MAP4K3: variants seen among roughly 807,000 people sequenced by gnomAD.
The protein encoded by MAP4K3 is mitogen-activated protein kinase kinase kinase kinase 3.
In MAP4K3, 94 loss-of-function variants were observed where a neutral mutation model predicts 143.5. The observed-to-expected ratio is 0.65, with a 90% CI of 0.55 to 0.78. The LOEUF (loss-of-function observed/expected upper bound fraction) is 0.78, where lower values mean the gene tolerates loss of function less well. Ranked by LOEUF, MAP4K3 falls within the 30% of genes least tolerant of loss-of-function variation. The pLI is 0.00. For missense variants in MAP4K3, 1,077 were observed against 1,068.1 expected (o/e 1.01, Z -0.12); for synonymous variants, 416 against 347.2 (o/e 1.20, Z -2.20).
intron 1 of MAP4K3, among the ~76,000 whole-genome samples, chr2:39,433,983 G>A (rs538869948): frequency 2.6e-5 from 4 of 152,316 alleles, no homozygotes; most frequent in African/African-American, 9.6e-5. Context: ...AGGTCACATA[G>A]CTAATAAATC....
At chr2:39,341,852 T>C (rs1277080761) in intron 4 of MAP4K3, among the ~76,000 whole-genome samples, 1 of 152,138 alleles carries the variant, frequency 6.6e-6, no homozygotes, top group African/African-American at 2.4e-5. Context: ...CACTGAATCT[T>C]TGAAATCAAA....
rs1211800764 is a variant in MAP4K3, at chr2:39,410,732, T to C, written c.96+26160A>G. On this transcript the variant is annotated intron_variant, in intron 1 of 33. Coordinates refer to ENST00000263881, the MANE Select transcript of MAP4K3 (RefSeq NM_003618.4). ...TGAAGGATAACAACATTTCCAAGTT[T>C]TGAAAAGCTTTTCTAGCTCTTCAAA... is the stretch of plus-strand genomic sequence containing the variant. Among the ~76,000 whole-genome samples, 4 of 152,244 alleles carry C rather than the reference T, an allele frequency of 2.6e-5. No homozygotes were observed. In the East Asian group the frequency reaches 7.7e-4, roughly 29 times the overall value.
chr2:39,392,200 A>AAAAAAAAAAAAAAAG, intron 1 of MAP4K3, among the ~76,000 whole-genome samples: 1 of 151,436 alleles, frequency 6.6e-6, no homozygotes, highest in Non-Finnish European at 1.5e-5. Flanking sequence ...AAAAAAAAAA[A>AAAAAAAAAAAAAAAG]AAAAATTACA....
intron 15 of MAP4K3, among the ~76,000 whole-genome samples, chr2:39,300,686 T>G (rs1472924881): frequency 2.0e-5 from 3 of 152,220 alleles, no homozygotes. Context: ...TTACAAGATA[T>G]TCTCAGATTC....
intron 2 of MAP4K3, among the ~76,000 whole-genome samples, chr2:39,372,018 T>C (rs578013903): frequency 4.2e-4 from 64 of 151,774 alleles, no homozygotes; most frequent in Non-Finnish European, 6.6e-4. Flanking sequence ...TTGCAGATTA[T>C]ATGATCTTAT....
At chr2:39,298,994 T>C (rs187631719) in intron 16 of MAP4K3, among the ~76,000 whole-genome samples, 10 of 151,610 alleles carry the variant, frequency 6.6e-5, no homozygotes, top group Admixed American at 6.6e-4. Context: ...GAATTTTAAC[T>C]TGTTCTGACT....
chr2:39,436,137 A>G (rs536902489), intron 1 of MAP4K3, among the ~76,000 whole-genome samples: 1 of 152,224 alleles, frequency 6.6e-6, no homozygotes, highest in South Asian at 2.1e-4. Context: ...GGGAAGAGTG[A>G]TTTATCTTCC....
At chr2:39,421,020 C>A (rs1354335741) in intron 1 of MAP4K3, among the ~76,000 whole-genome samples, 1 of 152,158 alleles carries the variant, frequency 6.6e-6, no homozygotes, top group Non-Finnish European at 1.5e-5. Context: ...CATATCATTT[C>A]CATTCACTCC....
At chr2:39,385,980 G>GTTT (rs1194484285) in intron 1 of MAP4K3, among the ~76,000 whole-genome samples, 2 of 152,194 alleles carry the variant, frequency 1.3e-5, no homozygotes, top group African/African-American at 2.4e-5. Context: ...TGTTAACAGT[G>GTTT]TTTTTTGCAG....
chr2:39,350,082 G>A (rs796634502), intron 3 of MAP4K3, among the ~76,000 whole-genome samples: 4 of 152,238 alleles, frequency 2.6e-5, no homozygotes, highest in African/African-American at 9.6e-5. Flanking sequence ...AGAGGACAGG[G>A]GTACTAATAT....
intron 13 of MAP4K3, 114 bp downstream of exon 13, chr2:39,315,196 A>C: frequency 1.5e-6 from 1 of 649,532 alleles, no homozygotes; most frequent in Admixed American, 3.3e-5. Flanking sequence ...CTTTACCTTT[A>C]ACAGTGTTTA....
intron 26 of MAP4K3, among the ~76,000 whole-genome samples, chr2:39,267,657 C>T (rs927699735): frequency 7.8e-6 from 1 of 127,678 alleles, no homozygotes; most frequent in Non-Finnish European, 1.6e-5. Context: ...TGGGCAACAA[C>T]AGAAGAGCAA....
intron 22 of MAP4K3, 125 bp downstream of exon 22, chr2:39,282,388 C>CAT (rs2148467452): frequency 1.3e-6 from 1 of 762,240 alleles, no homozygotes; most frequent in South Asian, 1.6e-5. Flanking sequence ...ATTAAATTAG[C>CAT]AATCTTATAG....
chr2:39,253,620 C>T (rs959196479), intron 32 of MAP4K3, among the ~76,000 whole-genome samples: 1 of 152,234 alleles, frequency 6.6e-6, no homozygotes, highest in African/African-American at 2.4e-5. Context: ...AGTGTCTCAA[C>T]TCTGGAACCC....
At chr2:39,354,119 G>GCTAACA (rs1210264834) in intron 3 of MAP4K3, among the ~76,000 whole-genome samples, 1 of 152,004 alleles carries the variant, frequency 6.6e-6, no homozygotes, top group Non-Finnish European at 1.5e-5. Context: ...CACCATCCTG[G>GCTAACA]CTAACATGGT....
intron 12 of MAP4K3, among the ~76,000 whole-genome samples, chr2:39,319,890 C>T (rs1340356896): frequency 1.3e-5 from 2 of 152,194 alleles, no homozygotes; most frequent in East Asian, 3.8e-4. Context: ...CTAGTGTATT[C>T]AAACATTTAG....
At chr2:39,361,286 T>A (rs1422904487) in intron 2 of MAP4K3, among the ~76,000 whole-genome samples, 2 of 152,148 alleles carry the variant, frequency 1.3e-5, no homozygotes, top group Non-Finnish European at 2.9e-5. Flanking sequence ...CAACTACCCA[T>A]AGTCACAATT....
chr2:39,281,226 A>G (rs1407944145), intron 22 of MAP4K3, among the ~76,000 whole-genome samples: 1 of 152,226 alleles, frequency 6.6e-6, no homozygotes, highest in African/African-American at 2.4e-5. Flanking sequence ...TTATAGAAGG[A>G]ATGTCTTCCT....
chr2:39,289,903 G>A (rs1485388628), intron 19 of MAP4K3, among the ~76,000 whole-genome samples: 2 of 152,122 alleles, frequency 1.3e-5, no homozygotes, highest in Non-Finnish European at 2.9e-5. Context: ...TGGCCAACAT[G>A]GCAAAACCCA....
Sources: gnomAD v4.1 joint callset for allele counts (sites outside exome capture counted in the v4.1 genomes callset) on GRCh38, gnomAD v4.1.1 for gene constraint, MANE v1.5 for transcripts, NCBI Gene and HGNC (gene_info 2026-07-23, HGNC 2026-07-21) for gene names.